SLC4A8: variants seen among roughly 807,000 people sequenced by gnomAD.
SLC4A8 encodes electroneutral sodium bicarbonate exchanger 1.
A neutral mutation model predicts 125.0 loss-of-function variants in SLC4A8; 40 were observed. The ratio of observed to expected loss-of-function variants is 0.32; its 90% CI spans 0.25 to 0.42. The LOEUF is 0.42. Among genes scored for constraint, SLC4A8 ranks in the 10% least tolerant of loss-of-function variants. The probability of loss-of-function intolerance (pLI) is 1.00; values close to 1 mark genes in which losing one functional copy is unlikely to be tolerated. For synonymous variants in SLC4A8, 456 were observed against 476.0 expected (o/e 0.96, Z 0.55); for missense variants, 863 against 1,355.1 (o/e 0.64, Z 5.70).
chr12:51,447,714 C>A (rs545913504), intron 2 of SLC4A8, among the ~76,000 whole-genome samples: 23 of 125,682 alleles, frequency 1.8e-4, no homozygotes, highest in Admixed American at 4.9e-4. Flanking sequence ...GGGATTTCCA[C>A]TTTTTTTTTT....
rs538059470 is a variant in SLC4A8 at position 51,500,893 on chromosome 12, T to C, written c.3082-3136T>C. Among the ~76,000 whole-genome samples, 7 of 151,734 alleles carry C rather than the reference T, an allele frequency of 4.6e-5. No homozygotes were observed. The South Asian group carries it at 1.5e-3, about 31-fold the overall frequency. ...CTTTCTTTCTTTATTTTTATTATTA[T>C]TATACTTTAAGTTTTAGGGTACATG... On this transcript the variant is annotated intron_variant, in intron 22 of 24. Coordinates refer to ENST00000453097, the MANE Select transcript of SLC4A8 (RefSeq NM_001039960.3).
chr12:51,459,957 C>A lies in SLC4A8; in HGVS notation c.862C>A (p.Leu288Ile). ...HSPVDLSKVD[L>I]HFMKKIPTGA... ...GTTTCTTTTGGACTTTCAGGTAGAC[C>A]TTCATTTCATGAAAAAAATTCCTAC... Residue 288 changes from leucine (L) to isoleucine (I), a missense_variant, in exon 8 of 25, where the codon CTT becomes ATT. Transcript: ENST00000453097. 1 of 1,613,202 alleles carries A rather than the reference C, an allele frequency of 6.2e-7. No individual in the cohort carries two copies. The highest frequency in any genetic ancestry group is 2.2e-5 in the East Asian group (1 of 44,878).
intron 1 of SLC4A8, among the ~76,000 whole-genome samples, chr12:51,407,426 T>TA (rs200195781): frequency 1.3e-5 from 2 of 150,030 alleles, no homozygotes; most frequent in South Asian, 2.1e-4. Context: ...TGGCTAATTA[T>TA]AAAAAAAATT....
chr12:51,444,623 CTTCTGTAGTCCCT>C (rs1204369942), intron 2 of SLC4A8, among the ~76,000 whole-genome samples: 1 of 152,132 alleles, frequency 6.6e-6, no homozygotes, highest in Non-Finnish European at 1.5e-5. Context: ...TACTAAGCCC[CTTCTGTAGTCCCT>C]TTCTGCAGTA....
chr12:51,464,521 G>A (rs1037762478), intron 11 of SLC4A8, among the ~76,000 whole-genome samples: 1 of 152,164 alleles, frequency 6.6e-6, no homozygotes, highest in Non-Finnish European at 1.5e-5. Flanking sequence ...TATTCCCTAG[G>A]TCAGAAGGTG....
intron 5 of SLC4A8, among the ~76,000 whole-genome samples, chr12:51,455,713 T>C (rs1324920092): frequency 2.6e-5 from 4 of 152,156 alleles, no homozygotes; most frequent in Non-Finnish European, 4.4e-5. Flanking sequence ...AGTCATTCTG[T>C]CTCTCTGGGA....
chr12:51,453,451 A>G, intron 4 of SLC4A8, 88 bp from the exon 5 acceptor site: 2 of 1,341,096 alleles, frequency 1.5e-6, no homozygotes, highest in Non-Finnish European at 2.1e-6. Context: ...CTATCCAGAT[A>G]TCTTCCTCTG....
chr12:51,396,596 A>G (rs1948267198), intron 1 of SLC4A8, among the ~76,000 whole-genome samples: 1 of 152,016 alleles, frequency 6.6e-6, no homozygotes, highest in Admixed American at 6.6e-5. Flanking sequence ...TAATCCCAGC[A>G]CTTTGGGAGG....
intron 1 of SLC4A8, among the ~76,000 whole-genome samples, chr12:51,411,244 T>C (rs1948592269): frequency 6.6e-6 from 1 of 152,092 alleles, no homozygotes; most frequent in Non-Finnish European, 1.5e-5. Context: ...TCTGATGCTC[T>C]ATTGCTTTTC....
At position 51,485,779 on chromosome 12, in the gene SLC4A8, C is replaced by T; in HGVS notation, c.2173-8C>T. 1 of 1,540,596 alleles carries T rather than the reference C, an allele frequency of 6.5e-7. No individual in the cohort carries two copies. The highest frequency in any genetic ancestry group is 9.0e-7 in the Non-Finnish European group (1 of 1,113,426). On this transcript the variant is annotated splice_polypyrimidine_tract_variant and splice_region_variant and intron_variant, in intron 16 of 24. Transcript: ENST00000453097. The stretch of plus-strand genomic sequence containing the variant: ...CCAAAACATGTGTCCACTTCTTTCT[C>T]ATGCCAGGTACGCTCCATGGTGAGT...
chr12:51,494,064 G>T (rs1951393004), intron 20 of SLC4A8, among the ~76,000 whole-genome samples: 1 of 152,070 alleles, frequency 6.6e-6, no homozygotes, highest in African/African-American at 2.4e-5. Flanking sequence ...TAGTTGCTTT[G>T]CCAGGTGCTA....
At position 51,457,404 on chromosome 12, in the gene SLC4A8, G is replaced by A; in HGVS notation, c.628G>A (p.Val210Ile). Residue 210 changes from valine (V) to isoleucine (I), a missense_variant, in exon 6 of 25, where the codon GTT (valine) becomes ATT (isoleucine). By Grantham distance (29) the Val-to-Ile change is conservative. This residue lies in a region of SLC4A8 where 390 missense variants were observed against 634.4 expected (regional missense o/e 0.61). Coordinates refer to ENST00000453097, the MANE Select transcript of SLC4A8 (RefSeq NM_001039960.3). ...CAGTGACCTGAATGACAGCATGAGG[G>A]TTAAAGTGCGGGAAGCCCTTCTCAA... ...LSSDLNDSMRVKVREALLKKH... is the reference protein window; with the variant it reads ...LSSDLNDSMRIKVREALLKKH... The A allele has an allele frequency of 6.2e-7, 1 of 1,614,018 alleles. No individual in the cohort carries two copies. Among genetic ancestry groups the A allele is most frequent in the Non-Finnish European group, 8.5e-7 (1 of 1,179,912 alleles).
At chr12:51,418,255 C>T (rs1026549718) in intron 1 of SLC4A8, among the ~76,000 whole-genome samples, 1 of 152,276 alleles carries the variant, frequency 6.6e-6, no homozygotes, top group East Asian at 1.9e-4. Flanking sequence ...ATGGTGAGTA[C>T]TCTGTGACTA....
At chr12:51,403,433 G>C (rs1266632461) in intron 1 of SLC4A8, 2 of 353,788 alleles carry the variant, frequency 5.7e-6, no homozygotes, top group East Asian at 1.5e-4. Flanking sequence ...GGCAAGAATG[G>C]CCGCTTGGAT....
Position 51,462,350 on chromosome 12 carries a change from A to G in SLC4A8, c.1142A>G (p.Asp381Gly), listed in dbSNP as rs776418631. 1 of 1,613,856 alleles carries G rather than the reference A, an allele frequency of 6.2e-7. No homozygotes were observed. Among genetic ancestry groups the G allele is most frequent in the Non-Finnish European group, 8.5e-7 (1 of 1,179,862 alleles). The stretch of plus-strand genomic sequence containing the variant: ...GCATATAAGGCAAAAGAGCGAGATG[A>G]TCTCCTGGCGGGGATTGATGAGTTC... ...DVAYKAKERD[D>G]LLAGIDEFLD... Residue 381 changes from aspartate to glycine, a missense_variant, in exon 10 of 25, where the codon GAT (aspartate) becomes GGT (glycine). Asp to Gly is a moderately conservative substitution (Grantham distance 94). Transcript: ENST00000453097.
intron 1 of SLC4A8, among the ~76,000 whole-genome samples, chr12:51,428,325 G>C (rs1194069608): frequency 6.6e-6 from 1 of 152,144 alleles, no homozygotes. Context: ...GAGGGCAGGG[G>C]ACAAGCAGAA....
rs556044018 is a variant in SLC4A8 at position 51,505,900 on chromosome 12, G to T, written c.3239G>T (p.Ser1080Ile). Residue 1080 changes from serine to isoleucine, a missense_variant, in exon 24 of 25, where the codon AGT becomes ATT. By Grantham distance (142) the Ser-to-Ile change is moderately radical. Around this residue, in one of 6 missense-constraint regions of SLC4A8, gnomAD observed 92 missense variants for 125.6 expected, o/e 0.73. Coordinates refer to ENST00000453097, the MANE Select transcript of SLC4A8 (RefSeq NM_001039960.3). ...MPKTTVWKAL[S>I]MNSGNAKEKS... ...AAAACTACAGTTTGGAAAGCTCTCA[G>T]TATGAATTCTGGAAATGCAAAGGAA... The T allele has an allele frequency of 1.6e-4, 246 of 1,577,290 alleles. 4 individuals are homozygous for T. The South Asian group carries it at 2.7e-3, about 17-fold the overall frequency.
chr12:51,433,733 A>G (rs1003441702), intron 1 of SLC4A8, among the ~76,000 whole-genome samples: 2 of 152,190 alleles, frequency 1.3e-5, no homozygotes, highest in African/African-American at 4.8e-5. Flanking sequence ...GATTTCAAAC[A>G]AACTTTGTAT....
chr12:51,503,808 C>G (rs1179455587), intron 22 of SLC4A8, among the ~76,000 whole-genome samples: 1 of 152,180 alleles, frequency 6.6e-6, no homozygotes, highest in Non-Finnish European at 1.5e-5. Context: ...GAGGTTTACT[C>G]AGATTGACAT....
Sources: allele counts gnomAD v4.1 joint callset (sites outside exome capture counted in the v4.1 genomes callset), GRCh38; gene constraint gnomAD v4.1.1; regional missense constraint gnomAD v4.1.1; transcripts MANE v1.5; gene names NCBI Gene and HGNC (gene_info 2026-07-23, HGNC 2026-07-21).